Variants in KIAA0319L observed in about 807,000 individuals in gnomAD.
KIAA0319L encodes the protein dyslexia-associated protein KIAA0319-like protein.
KIAA0319L carries 55 observed loss-of-function variants against 120.1 expected under a neutral mutation model. The observed-to-expected ratio is 0.46, with a 90% CI of 0.37 to 0.57. The LOEUF is 0.57. KIAA0319L is among the 20% of genes least tolerant of loss of function. The probability of loss-of-function intolerance (pLI) is 0.00; values close to 1 mark genes in which losing one functional copy is unlikely to be tolerated. For missense variants in KIAA0319L, 1,049 were observed against 1,255.3 expected, an observed-to-expected ratio of 0.84 and a Z score of 2.48; for synonymous variants, 398 against 471.9, an observed-to-expected ratio of 0.84 and a Z score of 2.03.
chr1:35,539,664 T>C lies in KIAA0319L; in HGVS notation c.142+14686A>G, dbSNP rs374601478. Among the ~76,000 whole-genome samples, 3 of 152,340 alleles carry C rather than the reference T, an allele frequency of 2.0e-5. No individual in the cohort carries two copies. In the East Asian group the frequency reaches 5.8e-4, roughly 29 times the overall value. On this transcript the variant is annotated intron_variant, in intron 2 of 20. Coordinates refer to ENST00000325722, the MANE Select transcript of KIAA0319L (RefSeq NM_024874.5). The stretch of plus-strand genomic sequence containing the variant: ...TCAACTTTCTGAGATGGAAGCTGGC[T>C]CTTCAGCTTTTCTCTACAAGGCTGC...
intron 2 of KIAA0319L, among the ~76,000 whole-genome samples, chr1:35,528,267 A>C (rs539630577): frequency 2.6e-4 from 39 of 152,230 alleles, no homozygotes; most frequent in African/African-American, 8.7e-4. Flanking sequence ...ATTTTTGTAG[A>C]GACAGGGTCT....
intron 2 of KIAA0319L, among the ~76,000 whole-genome samples, chr1:35,547,327 T>A (rs964092631): frequency 6.7e-6 from 1 of 149,966 alleles, no homozygotes. Flanking sequence ...ACATTATATA[T>A]ATATATACAC....
rs753364825 is a variant in KIAA0319L, at chr1:35,456,199, A to C, written c.1470T>G (p.Thr490=). The stretch of plus-strand genomic sequence containing the variant: ...CAGCTTTGTTCACTGTCAGGTTTGC[A>C]GTAGTAGAGTTGGTAGCTCCATCAG... The part of the protein sequence containing the change: ...VDSDGATNST[T]ANLTVNKAVD... Residue 490 remains threonine (T), a synonymous_variant, in exon 10 of 21, where the codon ACT becomes ACG. Coordinates refer to ENST00000325722, the MANE Select transcript of KIAA0319L (RefSeq NM_024874.5). The C allele has an allele frequency of 1.9e-6, 3 of 1,609,138 alleles. No individual in the cohort carries two copies. The highest frequency in any genetic ancestry group is 1.7e-6 in the Non-Finnish European group (2 of 1,177,112).
At chr1:35,529,916 T>C (rs181702388) in intron 2 of KIAA0319L, among the ~76,000 whole-genome samples, 2 of 152,296 alleles carry the variant, frequency 1.3e-5, no homozygotes, top group African/African-American at 2.4e-5. Flanking sequence ...TAAACTTCTC[T>C]TCACCTTCTG....
intron 2 of KIAA0319L, chr1:35,533,097 T>C (rs530387076): frequency 2.0e-5 from 3 of 152,190 alleles, no homozygotes; most frequent in Non-Finnish European, 4.4e-5. Context: ...CAGAAGGAAA[T>C]TCATTAAATA....
chr1:35,495,603 A>G (rs1333496365), intron 3 of KIAA0319L, among the ~76,000 whole-genome samples: 1 of 152,154 alleles, frequency 6.6e-6, no homozygotes, highest in Non-Finnish European at 1.5e-5. Context: ...CAGAAAATAT[A>G]TATGTAAGAA....
At chr1:35,497,243 A>C (rs1294079399) in intron 3 of KIAA0319L, among the ~76,000 whole-genome samples, 2 of 152,128 alleles carry the variant, frequency 1.3e-5, no homozygotes, top group Non-Finnish European at 2.9e-5. Context: ...AAGACAAAAA[A>C]AAAAAAGATG....
At chr1:35,533,080 T>C (rs1441436832) in intron 2 of KIAA0319L, 1 of 152,222 alleles carries the variant, frequency 6.6e-6, no homozygotes, top group Admixed American at 6.5e-5. Context: ...GATATATGAA[T>C]TATTGCCAGA....
At chr1:35,512,930 C>T (rs1645517098) in intron 2 of KIAA0319L, among the ~76,000 whole-genome samples, 1 of 149,398 alleles carries the variant, frequency 6.7e-6, no homozygotes, top group Non-Finnish European at 1.5e-5. Flanking sequence ...TTCAATAAAC[C>T]AGGGGCTATA....
chr1:35,507,071 T>TC lies in KIAA0319L; in HGVS notation c.206dup (p.Glu70ArgfsTer8). 1 of 1,567,662 alleles carries TC rather than the reference T, an allele frequency of 6.4e-7. No individual in the cohort carries two copies. The highest frequency in any genetic ancestry group is 8.6e-7 in the Non-Finnish European group (1 of 1,157,652). Reference sequence around the variant, plus strand: ...CTTCAAGAAGCCAGAGGTGATTTTCTCCCCCAGATCTCAGGCCAACTCCAA... The same window carrying TC: ...CTTCAAGAAGCCAGAGGTGATTTTCTCCCCCCAGATCTCAGGCCAACTCCAA... On this transcript the variant is annotated frameshift_variant, in exon 3 of 21. Coordinates refer to ENST00000325722, the MANE Select transcript of KIAA0319L (RefSeq NM_024874.5). LOFTEE classifies it high-confidence loss of function.
chr1:35,467,003 G>C (rs1390426954), intron 6 of KIAA0319L, among the ~76,000 whole-genome samples: 1 of 151,946 alleles, frequency 6.6e-6, no homozygotes, highest in Non-Finnish European at 1.5e-5. Context: ...GAGGTGAAAG[G>C]AGGGCTTGAG....
chr1:35,475,507 ACT>A (rs1343370226), intron 4 of KIAA0319L, among the ~76,000 whole-genome samples: 1 of 151,238 alleles, frequency 6.6e-6, no homozygotes, highest in Non-Finnish European at 1.5e-5. Flanking sequence ...TCAGGGCCTC[ACT>A]CTGTTGCTCA....
At chr1:35,438,050 T>C (rs982083519) in intron 20 of KIAA0319L, among the ~76,000 whole-genome samples, 2 of 152,222 alleles carry the variant, frequency 1.3e-5, no homozygotes, top group East Asian at 1.9e-4. Flanking sequence ...TCCACACTTG[T>C]AGCCACTCCC....
chr1:35,438,240 A>G (rs1278874184), intron 20 of KIAA0319L, among the ~76,000 whole-genome samples: 9 of 152,092 alleles, frequency 5.9e-5, no homozygotes, highest in Admixed American at 5.9e-4. Flanking sequence ...ACTGTCTTGC[A>G]CCAAACACTT....
chr1:35,512,096 C>G (rs979810503), intron 2 of KIAA0319L, among the ~76,000 whole-genome samples: 5 of 151,692 alleles, frequency 3.3e-5, no homozygotes, highest in African/African-American at 1.2e-4. Flanking sequence ...ATGGCAAAAC[C>G]CCGTCACTAC....
intron 5 of KIAA0319L, among the ~76,000 whole-genome samples, 160 bp downstream of exon 5, chr1:35,474,645 G>T (rs1434173448): frequency 2.6e-5 from 4 of 152,160 alleles, no homozygotes; most frequent in Non-Finnish European, 4.4e-5. Flanking sequence ...AAAGATAAGG[G>T]CCAGGAGTGG....
rs943190490 is a variant in KIAA0319L at position 35,499,343 on chromosome 1, G to A, written c.666+7269C>T. 3.9e-5 allele frequency among the ~76,000 whole-genome samples: 6 copies of A among 152,178 alleles called. No homozygotes were observed. In the South Asian group the frequency reaches 1.0e-3, roughly 26 times the overall value. On this transcript the variant is annotated intron_variant, in intron 3 of 20. Coordinates refer to ENST00000325722, the MANE Select transcript of KIAA0319L (RefSeq NM_024874.5). ...ATTAGGTCATGAAGTTGGAGCCCTT[G>A]TGAATGGGATTAGTGCTCTTAGAAA...
chr1:35,434,788 G>C lies in KIAA0319L; in HGVS notation c.*106C>G. 1.0e-6 allele frequency: 1 copy of C among 1,002,580 alleles called. No homozygotes were observed. The highest frequency in any genetic ancestry group is 1.6e-5 in the South Asian group (1 of 60,698). 62.1% of individuals were successfully genotyped at this position (1,002,580 alleles called of 1,614,324 possible). A position where few individuals can be genotyped will look rare whatever the true frequency, so the allele number is the denominator to read the frequency against. On this transcript the variant is annotated 3_prime_UTR_variant, in exon 21 of 21. Coordinates refer to ENST00000325722, the MANE Select transcript of KIAA0319L (RefSeq NM_024874.5). The stretch of plus-strand genomic sequence containing the variant: ...GGGTTCTGGTTGGGACTGTCAGGGC[G>C]AAATGACCAGCAGATGCTGGGACAG...
intron 14 of KIAA0319L, 76 bp downstream of exon 14, chr1:35,450,282 T>C: frequency 6.9e-7 from 1 of 1,453,624 alleles, no homozygotes; most frequent in Non-Finnish European, 9.4e-7. Context: ...GACCACTTGA[T>C]TAAAGCATAT....
Sources: gnomAD v4.1 joint callset for allele counts (sites outside exome capture counted in the v4.1 genomes callset) on GRCh38, gnomAD v4.1.1 for gene constraint, MANE v1.5 for transcripts, NCBI Gene and HGNC (gene_info 2026-07-23, HGNC 2026-07-21) for gene names.